PTPRG: variants seen among roughly 807,000 people sequenced by gnomAD.
PTPRG encodes receptor-type tyrosine-protein phosphatase gamma.
A neutral mutation model predicts 165.3 loss-of-function variants in PTPRG; 102 were observed. The ratio of observed to expected loss-of-function variants is 0.62; its 90% CI spans 0.53 to 0.73. PTPRG has a LOEUF of 0.73. Among genes scored for constraint, PTPRG ranks in the 30% least tolerant of loss-of-function variants. PTPRG has a pLI of 0.00. For missense variants in PTPRG, 1,866 were observed against 1,861.4 expected (o/e 1.00, Z -0.05); for synonymous variants, 675 against 669.5 (o/e 1.01, Z -0.13).
chr3:62,132,580 A>G (rs1703556182), intron 5 of PTPRG, 22 bp from the exon 6 acceptor site: 2 of 1,569,390 alleles, frequency 1.3e-6, no homozygotes, highest in African/African-American at 1.4e-5. Context: ...GATTTAACCA[A>G]TCATGTTTCC....
rs540509734 is a variant in PTPRG at position 62,217,002 on chromosome 3, C to T, written c.2156-1849C>T. 6.6e-6 allele frequency among the ~76,000 whole-genome samples: 1 copy of T among 152,180 alleles called. No individual in the cohort carries two copies. The highest frequency in any genetic ancestry group is 1.5e-5 in the Non-Finnish European group (1 of 68,046). On this transcript the variant is annotated intron_variant, in intron 12 of 29. Coordinates refer to ENST00000474889, the MANE Select transcript of PTPRG (RefSeq NM_002841.4). This position sits in a 1 kb window ranked among gnomAD's most constrained non-coding sequence, Gnocchi z 4.3. ...GCCCCCTGTGCTTCCCCTGGTGCCA[C>T]ATTCATTGCATTCTAATTAATTGTT...
chr3:61,616,258 G>T (rs1217766925), intron 1 of PTPRG, among the ~76,000 whole-genome samples: 7 of 152,066 alleles, frequency 4.6e-5, no homozygotes, highest in Admixed American at 1.3e-4. Flanking sequence ...GGCTGAGAAT[G>T]GTATTTAGAA....
chr3:61,787,026 A>T (rs762441562), intron 2 of PTPRG, among the ~76,000 whole-genome samples: 4 of 152,180 alleles, frequency 2.6e-5, no homozygotes, highest in African/African-American at 4.8e-5. Context: ...GTGATCTGGT[A>T]TCCTTCTTTA....
At position 61,647,724 on chromosome 3, in the gene PTPRG, G is replaced by A. The variant is rs574411397; in HGVS notation, c.85+85352G>A. Among the ~76,000 whole-genome samples the A allele has an allele frequency of 6.4e-4, 95 of 147,308 alleles. 1 individual carries two copies. In the Middle Eastern group the frequency reaches 0.011, roughly 18 times the overall value. On this transcript the variant is annotated intron_variant, in intron 1 of 29. Coordinates refer to ENST00000474889, the MANE Select transcript of PTPRG (RefSeq NM_002841.4). ...GAAGAATGGTGTGAACCTGGGAGGC[G>A]GAGCTTGCAGTGAGCTGAGATCACA...
intron 7 of PTPRG, among the ~76,000 whole-genome samples, chr3:62,166,451 C>T (rs575469620): frequency 6.6e-6 from 1 of 151,606 alleles, no homozygotes; most frequent in African/African-American, 2.4e-5. Context: ...ATTCTCATGC[C>T]TCAGCCTCCC....
At chr3:62,186,567 CTTTTTTTTT>C (rs35133425) in intron 8 of PTPRG, among the ~76,000 whole-genome samples, 1 of 117,542 alleles carries the variant, frequency 8.5e-6, no homozygotes, top group African/African-American at 3.5e-5. Context: ...TTTTCTTTTC[CTTTTTTTTT>C]TTTTTTTTGA....
chr3:61,792,079 G>T (rs935098276), intron 2 of PTPRG, among the ~76,000 whole-genome samples: 16 of 152,142 alleles, frequency 1.1e-4, no homozygotes, highest in African/African-American at 3.6e-4. Context: ...TGACCTCAGA[G>T]TGTAGGAGTT....
At chr3:62,062,021 C>T (rs901231094) in intron 4 of PTPRG, among the ~76,000 whole-genome samples, 10 of 149,114 alleles carry the variant, frequency 6.7e-5, no homozygotes, top group Admixed American at 4.0e-4. Context: ...TATGGGGGGG[C>T]GGGCGTGGTG....
intron 1 of PTPRG, among the ~76,000 whole-genome samples, chr3:61,692,569 A>G (rs1370402344): frequency 1.3e-5 from 2 of 152,078 alleles, no homozygotes; most frequent in African/African-American, 4.8e-5. Flanking sequence ...GTCCGAAAAG[A>G]GAGTCAGCGA....
At chr3:61,704,177 A>C (rs778228228) in intron 1 of PTPRG, among the ~76,000 whole-genome samples, 34 of 152,296 alleles carry the variant, frequency 2.2e-4, no homozygotes, top group Admixed American at 4.6e-4. Context: ...TGGGAGGCCA[A>C]GTTCTGGAGG....
Position 61,911,234 on chromosome 3 carries a change from C to T in PTPRG, c.191-78391C>T, listed in dbSNP as rs182889481. Among the ~76,000 whole-genome samples the T allele has an allele frequency of 9.2e-5, 14 of 152,260 alleles. No homozygotes were observed. The East Asian group carries it at 2.5e-3, about 27-fold the overall frequency. ...GAGGGGAAGGGGGCAGAGACATTTC[C>T]CTTGTGAACTTCGTAATCATGAGGT... On this transcript the variant is annotated intron_variant, in intron 2 of 29. Transcript: ENST00000474889.
intron 1 of PTPRG, among the ~76,000 whole-genome samples, chr3:61,642,821 C>A (rs753588278): frequency 7.2e-5 from 11 of 152,062 alleles, no homozygotes; most frequent in Non-Finnish European, 1.6e-4. Context: ...TAGACAATTG[C>A]CATTTTGCAG....
chr3:61,897,620 T>C (rs929308124), intron 2 of PTPRG, among the ~76,000 whole-genome samples: 3 of 152,190 alleles, frequency 2.0e-5, no homozygotes, highest in African/African-American at 7.2e-5. Context: ...CTGCAAAAAC[T>C]TTCCTGGGAT....
chr3:61,844,027 A>G lies in PTPRG; in HGVS notation c.190+95045A>G, dbSNP rs190375227. 5.6e-4 allele frequency among the ~76,000 whole-genome samples: 84 copies of G among 150,774 alleles called. 2 individuals are homozygous for G. The East Asian group carries it at 9.0e-3, about 16-fold the overall frequency. ...CGCCCAGGCTGGAGTGCAGTGGCAC[A>G]ATCTCGTCTCACTGCAAATTCCGCC... is the stretch of plus-strand genomic sequence containing the variant. On this transcript the variant is annotated intron_variant, in intron 2 of 29. Coordinates refer to ENST00000474889, the MANE Select transcript of PTPRG (RefSeq NM_002841.4).
Position 62,195,748 on chromosome 3 carries a change from A to G in PTPRG, c.1327+578A>G, listed in dbSNP as rs1183878463. 6.6e-6 allele frequency among the ~76,000 whole-genome samples: 1 copy of G among 152,150 alleles called. No homozygotes were observed. Among genetic ancestry groups the G allele is most frequent in the Non-Finnish European group, 1.5e-5 (1 of 68,016 alleles). ...TTGCTCAAAATTTTAAGGGGCACCA[A>G]AAAATTGAGTGACCAAGAGACATAA... On this transcript the variant is annotated intron_variant, in intron 10 of 29. Transcript: ENST00000474889. The surrounding 1 kb of genome is among the most constrained non-coding windows in gnomAD (Gnocchi z 4.4).
intron 2 of PTPRG, among the ~76,000 whole-genome samples, chr3:61,816,092 A>G (rs1286589257): frequency 2.0e-5 from 3 of 152,216 alleles, no homozygotes; most frequent in African/African-American, 4.8e-5. Context: ...TGACTTCAGT[A>G]TCATCTAGTC....
Position 61,571,248 on chromosome 3 carries a change from G to A in PTPRG, c.85+8876G>A, listed in dbSNP as rs188652440. Reference sequence around the variant, plus strand: ...AGAAGGTAGGTCCAAGGTCACCGGGGTAGCAAGGCGCGGGGAGCGGTGGGG... The same window carrying A: ...AGAAGGTAGGTCCAAGGTCACCGGGATAGCAAGGCGCGGGGAGCGGTGGGG... On this transcript the variant is annotated intron_variant, in intron 1 of 29. Transcript: ENST00000474889. Among the ~76,000 whole-genome samples, 19 of 152,336 alleles carry A rather than the reference G, an allele frequency of 1.2e-4. No individual in the cohort carries two copies. In the East Asian group the frequency reaches 3.5e-3, roughly 28 times the overall value.
intron 1 of PTPRG, among the ~76,000 whole-genome samples, chr3:61,569,104 A>G (rs552025084): frequency 6.6e-6 from 1 of 152,312 alleles, no homozygotes; most frequent in Admixed American, 6.5e-5. Flanking sequence ...TGTGTCAGCC[A>G]GTTGATGAGA....
At chr3:62,108,179 A>G (rs946774253) in intron 5 of PTPRG, among the ~76,000 whole-genome samples, 2 of 151,692 alleles carry the variant, frequency 1.3e-5, no homozygotes, top group African/African-American at 4.8e-5. Context: ...ATTTCTCCCA[A>G]TGTTATCCCT....
Sources: gnomAD v4.1 joint callset for allele counts (sites outside exome capture counted in the v4.1 genomes callset) on GRCh38, gnomAD v4.1.1 for gene constraint, Gnocchi (gnomAD v3.1) non-coding constraint, MANE v1.5 for transcripts, NCBI Gene and HGNC (gene_info 2026-07-23, HGNC 2026-07-21) for gene names.